SETBP1: variants seen among roughly 807,000 people sequenced by gnomAD.
The protein encoded by SETBP1 is SET-binding protein.
SETBP1 carries 9 observed loss-of-function variants against 101.0 expected under a neutral mutation model. The observed-to-expected ratio is 0.09, with a 90% confidence interval of 0.05 to 0.16. The LOEUF is 0.16. SETBP1 is among the 10% of genes least tolerant of loss of function. SETBP1 has a pLI of 1.00. For synonymous variants in SETBP1, 818 were observed against 788.5 expected, an observed-to-expected ratio of 1.04 and a Z score of -0.63; for missense variants, 1,858 against 2,033.8, an observed-to-expected ratio of 0.91 and a Z score of 1.66.
intron 4 of SETBP1, among the ~76,000 whole-genome samples, chr18:44,958,356 T>C (rs1904828179): frequency 1.3e-5 from 2 of 152,206 alleles, no homozygotes; most frequent in Admixed American, 1.3e-4. Context: ...ATTGGATTTC[T>C]CCTTTGCGAA....
rs189315846 is a variant in SETBP1, at chr18:44,972,255, C to A, written c.4000+18915C>A. On this transcript the variant is annotated intron_variant, in intron 4 of 5. Transcript: ENST00000649279. The stretch of plus-strand genomic sequence containing the variant: ...TCTATATCTCTGTTTTGGTACCAGT[C>A]CCATGCTGTTTTGGTTACTGTAGCC... Among the ~76,000 whole-genome samples, 657 of 152,080 alleles carry A rather than the reference C, an allele frequency of 4.3e-3. 6 individuals carry two copies. Among genetic ancestry groups the A allele is most frequent in the African/African-American group, 0.015 (629 of 41,496 alleles).
At chr18:44,716,171 T>C (rs2069458986) in intron 2 of SETBP1, among the ~76,000 whole-genome samples, 1 of 152,182 alleles carries the variant, frequency 6.6e-6, no homozygotes. Flanking sequence ...TTGTGTTTCA[T>C]GCTCCCGGAG....
At chr18:44,783,380 C>G (rs1423591115) in intron 2 of SETBP1, among the ~76,000 whole-genome samples, 1 of 152,060 alleles carries the variant, frequency 6.6e-6, no homozygotes, top group Non-Finnish European at 1.5e-5. Context: ...TTGCTTCTTC[C>G]ACTGCAGGAA....
chr18:44,700,621 A>G (rs1479905535), intron 1 of SETBP1, among the ~76,000 whole-genome samples: 1 of 152,194 alleles, frequency 6.6e-6, no homozygotes, highest in African/African-American at 2.4e-5. Flanking sequence ...GCATAATTGA[A>G]ATAATGCATA....
At chr18:44,767,683 A>G (rs770764145) in intron 2 of SETBP1, among the ~76,000 whole-genome samples, 3 of 152,258 alleles carry the variant, frequency 2.0e-5, no homozygotes, top group Non-Finnish European at 4.4e-5. Context: ...CTGCAGCATT[A>G]TAATCCTGGG....
rs76079454 is a variant in SETBP1 at position 44,953,642 on chromosome 18, A to G, written c.4000+302A>G. On this transcript the variant is annotated intron_variant, in intron 4 of 5. Transcript: ENST00000649279. ...GCTTTTTATTAAAGATGCTGTTCTT[A>G]GGTCCTCATCTGATCTAATGGTACA... 7.7e-3 allele frequency among the ~76,000 whole-genome samples: 1,169 copies of G among 152,328 alleles called. 15 individuals carry two copies. Among genetic ancestry groups the G allele is most frequent in the African/African-American group, 0.026 (1,085 of 41,574 alleles).
At chr18:44,847,912 G>C (rs866331124) in intron 2 of SETBP1, among the ~76,000 whole-genome samples, 1 of 152,092 alleles carries the variant, frequency 6.6e-6, no homozygotes, top group Non-Finnish European at 1.5e-5. Flanking sequence ...GAGCAGGCAG[G>C]CATCCCAGGA....
At chr18:44,695,990 C>G (rs2069011109) in intron 1 of SETBP1, among the ~76,000 whole-genome samples, 2 of 152,070 alleles carry the variant, frequency 1.3e-5, no homozygotes, top group Admixed American at 1.3e-4. Flanking sequence ...GGCCCTATCT[C>G]TACCACCTTG....
intron 2 of SETBP1, among the ~76,000 whole-genome samples, chr18:44,840,410 T>C (rs980609181): frequency 1.3e-5 from 2 of 152,244 alleles, no homozygotes; most frequent in Admixed American, 6.5e-5. Flanking sequence ...GCAAAAGGAC[T>C]CTGCTAAGCC....
intron 4 of SETBP1, among the ~76,000 whole-genome samples, chr18:44,957,526 A>G (rs1434625755): frequency 1.3e-5 from 2 of 152,134 alleles, no homozygotes. Context: ...CTGAGAGCAC[A>G]TTTCAGATAT....
At chr18:44,985,019 TA>T (rs1381249939) in intron 4 of SETBP1, among the ~76,000 whole-genome samples, 1 of 152,110 alleles carries the variant, frequency 6.6e-6, no homozygotes, top group Non-Finnish European at 1.5e-5. Flanking sequence ...CGTGCGCCTA[TA>T]ATCCCAGCTA....
At chr18:45,006,723 C>T (rs1179160877) in intron 4 of SETBP1, among the ~76,000 whole-genome samples, 1 of 152,222 alleles carries the variant, frequency 6.6e-6, no homozygotes, top group Non-Finnish European at 1.5e-5. Flanking sequence ...ACTTTGATTA[C>T]TCTATAAAGA....
intron 2 of SETBP1, among the ~76,000 whole-genome samples, chr18:44,720,845 G>A (rs1261143501): frequency 5.3e-5 from 8 of 152,004 alleles, no homozygotes; most frequent in African/African-American, 1.9e-4. Context: ...CAGTAGGCCA[G>A]ATCAGACAGA....
chr18:44,714,584 G>A (rs1242209501), intron 2 of SETBP1, among the ~76,000 whole-genome samples: 2 of 151,800 alleles, frequency 1.3e-5, no homozygotes, highest in African/African-American at 4.8e-5. Context: ...AGAAACATCT[G>A]AAATCTTGTG....
At chr18:44,803,383 T>A (rs2071650669) in intron 2 of SETBP1, among the ~76,000 whole-genome samples, 2 of 152,138 alleles carry the variant, frequency 1.3e-5, no homozygotes, top group Non-Finnish European at 2.9e-5. Context: ...ACTATTGACT[T>A]GAGTTACATC....
At chr18:44,708,118 C>T (rs1456735631) in intron 2 of SETBP1, among the ~76,000 whole-genome samples, 1 of 152,172 alleles carries the variant, frequency 6.6e-6, no homozygotes, top group Non-Finnish European at 1.5e-5. Flanking sequence ...GGTTGCCTAA[C>T]CTCTGGCTGC....
At chr18:44,923,859 G>C (rs2070636353) in intron 3 of SETBP1, among the ~76,000 whole-genome samples, 1 of 152,178 alleles carries the variant, frequency 6.6e-6, no homozygotes, top group Admixed American at 6.5e-5. Context: ...AATGCTACCT[G>C]GAGGAGTGTG....
chr18:44,685,480 C>T (rs1464602475), intron 1 of SETBP1, among the ~76,000 whole-genome samples: 7 of 152,276 alleles, frequency 4.6e-5, no homozygotes, highest in East Asian at 1.9e-4. Flanking sequence ...TGGGGCCAGA[C>T]GGCTGTGGCA....
At chr18:44,914,125 G>A (rs540941003) in intron 3 of SETBP1, among the ~76,000 whole-genome samples, 6 of 152,288 alleles carry the variant, frequency 3.9e-5, no homozygotes, top group South Asian at 4.1e-4. Flanking sequence ...TCCCAGACAC[G>A]CCTTTCTTTC....
Sources: allele counts gnomAD v4.1 joint callset (sites outside exome capture counted in the v4.1 genomes callset), GRCh38; gene constraint gnomAD v4.1.1; transcripts MANE v1.5; gene names NCBI Gene and HGNC (gene_info 2026-07-23, HGNC 2026-07-21).